CHEK2: variants seen among roughly 807,000 people sequenced by gnomAD.
The protein encoded by CHEK2 is serine/threonine-protein kinase Chk2.
A neutral mutation model predicts 69.1 loss-of-function variants in CHEK2; 71 were observed. The ratio of observed to expected loss-of-function variants is 1.03; its 90% CI spans 0.85 to 1.25. CHEK2 has a LOEUF of 1.25. Ranked by LOEUF, CHEK2 falls within the 50% of genes most tolerant of loss-of-function variation. CHEK2 has a pLI of 0.00. For synonymous variants in CHEK2, 189 were observed against 226.9 expected, an observed-to-expected ratio of 0.83 and a Z score of 1.50; for missense variants, 664 against 649.6, an observed-to-expected ratio of 1.02 and a Z score of -0.24.
chr22:28,740,590 TACTG>T (rs1233334051), intron 1 of CHEK2, among the ~76,000 whole-genome samples: 1 of 152,236 alleles, frequency 6.6e-6, no homozygotes, highest in African/African-American at 2.4e-5. Flanking sequence ...CGGTTTACAA[TACTG>T]ACTGACTTGT....
chr22:28,719,474 A>G lies in CHEK2; in HGVS notation c.604T>C (p.Phe202Leu), dbSNP rs758529351. 2 of 1,584,300 alleles carry G rather than the reference A, an allele frequency of 1.3e-6. No individual in the cohort carries two copies. Among genetic ancestry groups the G allele is most frequent in the Non-Finnish European group, 8.6e-7 (1 of 1,159,764 alleles). ...SLSRNKVFVF[F>L]DLTVDDQSVY... ...GACTGATCATCTACAGTCAGATCAA[A>G]AAAGACAAAAACTAAGGAAGAAAAG... Residue 202 changes from phenylalanine to leucine, a missense_variant, in exon 5 of 15, where the codon TTT becomes CTT. By Grantham distance (22) the Phe-to-Leu change is conservative. Coordinates refer to ENST00000404276, the MANE Select transcript of CHEK2 (RefSeq NM_007194.4).
intron 9 of CHEK2, among the ~76,000 whole-genome samples, chr22:28,698,126 C>G (rs1014571814): frequency 6.7e-6 from 1 of 149,718 alleles, no homozygotes; most frequent in Non-Finnish European, 1.5e-5. Flanking sequence ...CACGGTGGCT[C>G]ATGCCTGTAA....
chr22:28,737,162 G>A, intron 1 of CHEK2: 2 of 352,208 alleles, frequency 5.7e-6, no homozygotes, highest in Non-Finnish European at 5.9e-6. Context: ...CCCCCCAGTG[G>A]ATGCCTGAAA....
Position 28,734,402 on chromosome 22 carries a change from C to T in CHEK2, c.319+1G>A, listed in dbSNP as rs765080766. 3 of 1,613,810 alleles carry T rather than the reference C, an allele frequency of 1.9e-6. No homozygotes were observed. The highest frequency in any genetic ancestry group is 1.7e-6 in the Non-Finnish European group (2 of 1,179,738). On this transcript the variant is annotated splice_donor_variant, in intron 2 of 14. Coordinates refer to ENST00000404276, the MANE Select transcript of CHEK2 (RefSeq NM_007194.4). LOFTEE classifies it high-confidence loss of function. ...TGATACTATACAACAAAGGGTCTTA[C>T]CAAGATTGGCAAATCCATCCTGAAG...
chr22:28,696,805 T>G, intron 10 of CHEK2, 96 bp downstream of exon 10: 1 of 792,320 alleles, frequency 1.3e-6, no homozygotes. Context: ...GGTCAGATTC[T>G]CATCCTTTTT....
intron 2 of CHEK2, among the ~76,000 whole-genome samples, chr22:28,732,855 A>C (rs2054260362): frequency 6.6e-6 from 1 of 152,028 alleles, no homozygotes; most frequent in Non-Finnish European, 1.5e-5. Context: ...GCAGTGGTGC[A>C]ATCCTGGCTC....
chr22:28,723,021 T>C (rs935155221), intron 4 of CHEK2, among the ~76,000 whole-genome samples: 1 of 152,226 alleles, frequency 6.6e-6, no homozygotes, highest in Non-Finnish European at 1.5e-5. Context: ...ATGGTTTCTT[T>C]AACTAAAGAA....
At position 28,710,005 on chromosome 22, in the gene CHEK2, C is replaced by T. The variant is rs864622149; in HGVS notation, c.846+1G>A. On this transcript the variant is annotated splice_donor_variant, in intron 7 of 14. Coordinates refer to ENST00000404276, the MANE Select transcript of CHEK2 (RefSeq NM_007194.4). LOFTEE classifies it high-confidence loss of function. ...AGTATGAGTCATATAATAATACTTA[C>T]ATGATTTAGCTTTTTCAAAATTTCT... The T allele has an allele frequency of 1.4e-6, 2 of 1,475,224 alleles. No homozygotes were observed. The highest frequency in any genetic ancestry group is 2.3e-5 in the East Asian group (1 of 44,114). The allele number at this position is 1,475,224 out of a possible 1,614,324, so 91.4% of individuals were successfully genotyped here.
chr22:28,725,644 T>C (rs2146075595), intron 2 of CHEK2, among the ~76,000 whole-genome samples: 2 of 152,282 alleles, frequency 1.3e-5, no homozygotes. Flanking sequence ...GAGGATCACT[T>C]GACCCCAGGA....
intron 4 of CHEK2, among the ~76,000 whole-genome samples, chr22:28,723,936 G>A (rs2053895431): frequency 1.3e-5 from 2 of 151,010 alleles, no homozygotes; most frequent in South Asian, 4.2e-4. Flanking sequence ...ACCATGTCTC[G>A]AAAAAGAAAG....
chr22:28,707,052 G>A (rs559384819), intron 7 of CHEK2, among the ~76,000 whole-genome samples: 25 of 152,186 alleles, frequency 1.6e-4, no homozygotes, highest in Non-Finnish European at 2.8e-4. Context: ...ATCTGAAAAT[G>A]GGTGGGGTCT....
chr22:28,704,186 AC>A (rs2053015430), intron 7 of CHEK2, among the ~76,000 whole-genome samples: 1 of 151,684 alleles, frequency 6.6e-6, no homozygotes, highest in African/African-American at 2.4e-5. Flanking sequence ...GTTCATGACC[AC>A]TGATCAATGC....
At chr22:28,713,251 A>G (rs541887102) in intron 5 of CHEK2, among the ~76,000 whole-genome samples, 1 of 152,184 alleles carries the variant, frequency 6.6e-6, no homozygotes, top group South Asian at 2.1e-4. Flanking sequence ...CCTTTTGTAA[A>G]TGGTTTCTTC....
At position 28,735,650 on chromosome 22, in the gene CHEK2, G is replaced by A. The variant is rs184048188; in HGVS notation, c.-6-923C>T. 4.2e-3 allele frequency among the ~76,000 whole-genome samples: 636 copies of A among 151,834 alleles called. 2 individuals are homozygous for A. Among genetic ancestry groups the A allele is most frequent in the Non-Finnish European group, 6.6e-3 (446 of 67,926 alleles). Reference sequence around the variant, plus strand: ...TAATCCCAGAACTCTGGGGGGTCAAGGCAGGTAGATCACCTGAGATCAGGA... The same window carrying A: ...TAATCCCAGAACTCTGGGGGGTCAAAGCAGGTAGATCACCTGAGATCAGGA... On this transcript the variant is annotated intron_variant, in intron 1 of 14. Coordinates refer to ENST00000404276, the MANE Select transcript of CHEK2 (RefSeq NM_007194.4).
intron 2 of CHEK2, among the ~76,000 whole-genome samples, chr22:28,730,889 A>C (rs2054195022): frequency 6.6e-6 from 1 of 151,944 alleles, no homozygotes; most frequent in Admixed American, 6.6e-5. Context: ...AAAATGAATA[A>C]AGGACCTTAA....
intron 9 of CHEK2, among the ~76,000 whole-genome samples, chr22:28,698,228 T>TAAAAAAAAAAAAAAAAAAAA (rs398040472): frequency 8.5e-5 from 7 of 81,896 alleles, no homozygotes; most frequent in East Asian, 4.5e-4. Context: ...CTATCTTTAC[T>TAAAAAAAAAAAAAAAAAAAA]AAAAAAAAAA....
chr22:28,697,091 C>G (rs919032799), intron 9 of CHEK2, 104 bp from the exon 10 acceptor site: 10 of 749,212 alleles, frequency 1.3e-5, no homozygotes, highest in Non-Finnish European at 2.4e-5. Flanking sequence ...AACCGTAAGC[C>G]GTGATACACA....
intron 7 of CHEK2, among the ~76,000 whole-genome samples, chr22:28,705,308 AC>A (rs902589313): frequency 2.0e-5 from 3 of 150,838 alleles, no homozygotes; most frequent in African/African-American, 7.3e-5. Flanking sequence ...TGAACTCCTG[AC>A]CTCGTGATCC....
chr22:28,700,078 C>T (rs2052779313), intron 8 of CHEK2, 141 bp from the exon 9 acceptor site: 1 of 648,898 alleles, frequency 1.5e-6, no homozygotes, highest in Non-Finnish European at 2.7e-6. Flanking sequence ...ATTTTTAAAA[C>T]TAATAAGGTT....
Sources: allele counts gnomAD v4.1 joint callset (sites outside exome capture counted in the v4.1 genomes callset), GRCh38; gene constraint gnomAD v4.1.1; transcripts MANE v1.5; gene names NCBI Gene and HGNC (gene_info 2026-07-23, HGNC 2026-07-21).